The following ZMYND11 variants were observed in gnomAD, a reference collection of about 807,000 sequenced individuals.
The protein encoded by ZMYND11 is zinc finger MYND-type containing 11.
In ZMYND11, 9 loss-of-function variants were observed where a neutral mutation model predicts 84.9. The ratio of observed to expected loss-of-function variants is 0.11; its 90% confidence interval spans 0.06 to 0.18. The LOEUF (loss-of-function observed/expected upper bound fraction) is 0.18. Ranked by LOEUF, ZMYND11 falls within the 10% of genes least tolerant of loss-of-function variation. The pLI, the probability that ZMYND11 is intolerant of heterozygous loss-of-function variation, is 1.00. For missense variants in ZMYND11, 409 were observed against 761.0 expected (o/e 0.54, Z 5.44); for synonymous variants, 250 against 244.1 (o/e 1.02, Z -0.23).
chr10:231,702 G>A lies in ZMYND11; in HGVS notation c.439-5136G>A, dbSNP rs554742033. The stretch of plus-strand genomic sequence containing the variant: ...CTGTTGTTTCTACCTAGAGTCATCC[G>A]ATTCAGTGTAGCCTGGCAGTTACTT... On this transcript the variant is annotated intron_variant, in intron 4 of 14. Transcript: ENST00000381604. Among the ~76,000 whole-genome samples, 226 of 152,306 alleles carry A rather than the reference G, an allele frequency of 1.5e-3. 2 individuals carry two copies. Among genetic ancestry groups the A allele is most frequent in the Non-Finnish European group, 2.5e-3 (172 of 68,018 alleles).
At chr10:162,948 G>C (rs781824283) in intron 1 of ZMYND11, among the ~76,000 whole-genome samples, 14 of 152,092 alleles carry the variant, frequency 9.2e-5, no homozygotes, top group Non-Finnish European at 1.5e-5. Context: ...GGGAATTCCC[G>C]TTCCCTGCCT....
chr10:234,218 A>C (rs564716705), intron 4 of ZMYND11, among the ~76,000 whole-genome samples: 1 of 152,348 alleles, frequency 6.6e-6, no homozygotes, highest in East Asian at 1.9e-4. Context: ...CGCAGAAAGG[A>C]AACAACAACA....
intron 2 of ZMYND11, 115 bp from the exon 3 acceptor site, chr10:209,774 G>T: frequency 1.0e-6 from 1 of 982,040 alleles, no homozygotes; most frequent in South Asian, 1.8e-5. Context: ...TATCTCAACA[G>T]GACTCTCATA....
At chr10:149,698 C>T (rs1046725061) in intron 1 of ZMYND11, among the ~76,000 whole-genome samples, 1 of 152,094 alleles carries the variant, frequency 6.6e-6, no homozygotes. Flanking sequence ...TAAATGGGCA[C>T]TAATTTTATA....
intron 3 of ZMYND11, among the ~76,000 whole-genome samples, chr10:215,083 C>G (rs1033779563): frequency 6.6e-6 from 1 of 152,194 alleles, no homozygotes; most frequent in Non-Finnish European, 1.5e-5. Flanking sequence ...AATTTGGTGA[C>G]TTCCAACTTT....
intron 4 of ZMYND11, among the ~76,000 whole-genome samples, chr10:225,496 A>G (rs1447445005): frequency 1.3e-5 from 2 of 152,082 alleles, no homozygotes; most frequent in Non-Finnish European, 2.9e-5. Flanking sequence ...ATACGCACAC[A>G]CCAGTATGTG....
At chr10:138,611 C>G (rs1836720930) in intron 1 of ZMYND11, among the ~76,000 whole-genome samples, 1 of 152,120 alleles carries the variant, frequency 6.6e-6, no homozygotes. Context: ...TTAATACTTG[C>G]TATAAAAGTA....
At chr10:231,720 A>G (rs1949041646) in intron 4 of ZMYND11, among the ~76,000 whole-genome samples, 1 of 152,194 alleles carries the variant, frequency 6.6e-6, no homozygotes, top group Non-Finnish European at 1.5e-5. Context: ...GTAGCCTGGC[A>G]GTTACTTACA....
chr10:188,411 G>C (rs1197796968), intron 2 of ZMYND11, among the ~76,000 whole-genome samples: 1 of 151,242 alleles, frequency 6.6e-6, no homozygotes, highest in Non-Finnish European at 1.5e-5. Flanking sequence ...AACATAATGA[G>C]ACCCCATCTC....
chr10:160,668 C>T (rs1359674623), intron 1 of ZMYND11, among the ~76,000 whole-genome samples: 1 of 152,156 alleles, frequency 6.6e-6, no homozygotes, highest in African/African-American at 2.4e-5. Flanking sequence ...CCTGTGTTGT[C>T]ATTTCAGCAA....
chr10:172,858 C>A (rs1554766040), intron 1 of ZMYND11, among the ~76,000 whole-genome samples: 10 of 152,058 alleles, frequency 6.6e-5, no homozygotes. Context: ...ACTTTAGTGA[C>A]CAAGACAATG....
intron 1 of ZMYND11, among the ~76,000 whole-genome samples, chr10:158,112 A>T (rs1384436509): frequency 2.6e-5 from 4 of 152,162 alleles, no homozygotes; most frequent in Admixed American, 2.0e-4. Context: ...CATTTTGTTT[A>T]TCCATTCATC....
intron 4 of ZMYND11, among the ~76,000 whole-genome samples, chr10:234,489 C>T (rs1396848516): frequency 6.6e-6 from 1 of 152,186 alleles, no homozygotes; most frequent in African/African-American, 2.4e-5. Context: ...TGTATCTTTC[C>T]TTTGAATAAT....
At chr10:244,932 C>G (rs1343779435) in intron 10 of ZMYND11, among the ~76,000 whole-genome samples, 3 of 152,186 alleles carry the variant, frequency 2.0e-5, no homozygotes. Flanking sequence ...CAAGTTCATT[C>G]CAGGTAGTCA....
At chr10:148,478 A>C (rs782666286) in intron 1 of ZMYND11, 1 of 152,174 alleles carries the variant, frequency 6.6e-6, no homozygotes, top group Non-Finnish European at 1.5e-5. Context: ...TTGAGGTGTA[A>C]GACTCACTGT....
At position 250,011 on chromosome 10, in the gene ZMYND11, T is replaced by TA. The variant is rs552542465; in HGVS notation, c.1686+930dup. ...GGAAAAAGAGAACTTTATTTTCTGTTAAAAAAACAACCTGCACATTGGGTG... is the reference window on the plus strand; with the variant it reads ...GGAAAAAGAGAACTTTATTTTCTGTTAAAAAAAACAACCTGCACATTGGGTG... On this transcript the variant is annotated intron_variant, in intron 14 of 14. Coordinates refer to ENST00000381604, the MANE Select transcript of ZMYND11 (RefSeq NM_001370100.5). Among the ~76,000 whole-genome samples, 86 of 152,210 alleles carry TA rather than the reference T, an allele frequency of 5.7e-4. 1 individual carries two copies. Among genetic ancestry groups the TA allele is most frequent in the African/African-American group, 2.0e-3 (84 of 41,534 alleles).
chr10:238,841 A>G (rs1048697248), intron 6 of ZMYND11, among the ~76,000 whole-genome samples: 21 of 152,204 alleles, frequency 1.4e-4, no homozygotes, highest in Non-Finnish European at 2.2e-4. Flanking sequence ...AATATGTAAG[A>G]ACCCAGACGC....
In ZMYND11 at chr10:207,561, G is replaced by C. The variant is rs564961135; in HGVS notation, c.117-2328G>C. Reference sequence around the variant, plus strand: ...TGGTGTGAGATGGTATCTCATTGTGGTTTTGATTGGCATTTCTCTGATGGC... The same window carrying C: ...TGGTGTGAGATGGTATCTCATTGTGCTTTTGATTGGCATTTCTCTGATGGC... On this transcript the variant is annotated intron_variant, in intron 2 of 14. Transcript: ENST00000381604. 3.3e-5 allele frequency among the ~76,000 whole-genome samples: 5 copies of C among 152,268 alleles called. No individual in the cohort carries two copies. The South Asian group carries it at 6.2e-4, about 19-fold the overall frequency.
At chr10:224,500 CTG>C (rs1489257050) in intron 4 of ZMYND11, among the ~76,000 whole-genome samples, 1 of 152,154 alleles carries the variant, frequency 6.6e-6, no homozygotes, top group Non-Finnish European at 1.5e-5. Flanking sequence ...CACACTTTTA[CTG>C]AGATCTCTCT....
Sources: allele counts gnomAD v4.1 joint callset (sites outside exome capture counted in the v4.1 genomes callset), GRCh38; gene constraint gnomAD v4.1.1; transcripts MANE v1.5; gene names NCBI Gene and HGNC (gene_info 2026-07-23, HGNC 2026-07-21).